Variants in MYO16 observed in about 807,000 individuals in gnomAD.
MYO16 encodes the protein unconventional myosin-XVI.
In MYO16, 94 loss-of-function variants were observed where a neutral mutation model predicts 205.3. The observed-to-expected ratio is 0.46, with a 90% CI of 0.39 to 0.54. The LOEUF is 0.54. Among genes scored for constraint, MYO16 ranks in the 20% least tolerant of loss-of-function variants. The pLI, the probability that MYO16 is intolerant of heterozygous loss-of-function variation, is 0.00. For missense variants in MYO16, 2,315 were observed against 2,387.5 expected (o/e 0.97, Z 0.63); for synonymous variants, 988 against 954.0 (o/e 1.04, Z -0.66).
intron 34 of MYO16, among the ~76,000 whole-genome samples, chr13:109,180,292 TTTATA>T (rs1172095140): frequency 5.3e-5 from 8 of 152,218 alleles, no homozygotes; most frequent in African/African-American, 1.9e-4. Context: ...AGTGAAAGAA[TTTATA>T]TTATAGAATG....
intron 1 of MYO16, among the ~76,000 whole-genome samples, chr13:108,633,111 C>T (rs1880063243): frequency 1.3e-5 from 2 of 152,048 alleles, no homozygotes; most frequent in African/African-American, 2.4e-5. Flanking sequence ...TGAATATTCT[C>T]CAGAGCTGAG....
At chr13:109,086,148 A>G (rs1206848457) in intron 27 of MYO16, among the ~76,000 whole-genome samples, 2 of 152,220 alleles carry the variant, frequency 1.3e-5, no homozygotes, top group East Asian at 1.9e-4. Flanking sequence ...TTGCATTGCT[A>G]GAAGTTTTCT....
intron 27 of MYO16, among the ~76,000 whole-genome samples, chr13:109,089,304 C>T (rs1356351248): frequency 6.6e-6 from 1 of 151,964 alleles, no homozygotes; most frequent in African/African-American, 2.4e-5. Context: ...GCCTCCACCT[C>T]CTGGGTTCCA....
intron 2 of MYO16, among the ~76,000 whole-genome samples, chr13:108,696,487 G>A (rs1233736065): frequency 1.3e-5 from 2 of 152,168 alleles, no homozygotes; most frequent in African/African-American, 4.8e-5. Flanking sequence ...ACACCCCAAA[G>A]AGGACATGCT....
chr13:108,826,086 A>G (rs995856007), intron 9 of MYO16, among the ~76,000 whole-genome samples: 2 of 152,094 alleles, frequency 1.3e-5, no homozygotes, highest in African/African-American at 4.8e-5. Flanking sequence ...ATTTAAAATC[A>G]CATAACAATT....
intron 22 of MYO16, among the ~76,000 whole-genome samples, chr13:109,017,295 C>T (rs1885862547): frequency 6.6e-6 from 1 of 152,132 alleles, no homozygotes; most frequent in South Asian, 2.1e-4. Context: ...TATTGACCCC[C>T]ACTCTCTTCT....
chr13:108,877,295 A>G (rs982049224), intron 12 of MYO16, among the ~76,000 whole-genome samples: 1 of 152,224 alleles, frequency 6.6e-6, no homozygotes, highest in African/African-American at 2.4e-5. Flanking sequence ...AGTTAAAACT[A>G]CAAGACTCAG....
chr13:109,206,782 G>T lies in MYO16; in HGVS notation c.5589G>T (p.Pro1863=). The change falls in exon 35 of 35, where the codon CCG becomes CCT. Residue 1863 remains proline, a synonymous_variant. Transcript: ENST00000457511. ...AGAAGCCCAGCCTTCTGAAGAAGCCGGAAGGGGCCTCCTGCAACAGGCTGC... is the reference window on the plus strand; with the variant it reads ...AGAAGCCCAGCCTTCTGAAGAAGCCTGAAGGGGCCTCCTGCAACAGGCTGC... The part of the protein sequence containing the change: ...PCKKPSLLKK[P]EGASCNRLPS... 6.2e-7 allele frequency: 1 copy of T among 1,614,176 alleles called. No homozygotes were observed. The highest frequency in any genetic ancestry group is 8.5e-7 in the Non-Finnish European group (1 of 1,180,020).
chr13:108,825,459 G>A (rs923011444), intron 9 of MYO16, among the ~76,000 whole-genome samples: 10 of 151,882 alleles, frequency 6.6e-5, no homozygotes, highest in Non-Finnish European at 1.0e-4. Flanking sequence ...CAGGGCTAAC[G>A]TCATACTCAA....
chr13:108,581,759 A>T, the MYO16 span, among the ~76,000 whole-genome samples: 1 of 151,788 alleles, frequency 6.6e-6, no homozygotes, highest in Non-Finnish European at 1.5e-5. Flanking sequence ...GGTGGTGGGC[A>T]CCTGTATTCC....
At position 108,651,489 on chromosome 13, in the gene MYO16, T is replaced by G. The variant is rs557568759; in HGVS notation, c.29-14397T>G. ...GGGAAATAGTAAGTGTCAGAAAGCA[T>G]AGATGGATGTGCAAAAAGTAAATAT... On this transcript the variant is annotated intron_variant, in intron 1 of 34. Transcript: ENST00000457511. Among the ~76,000 whole-genome samples, 43 of 152,336 alleles carry G rather than the reference T, an allele frequency of 2.8e-4. No individual in the cohort carries two copies. The South Asian group carries it at 8.7e-3, about 31-fold the overall frequency.
chr13:109,034,026 A>G (rs1886630443), intron 23 of MYO16, among the ~76,000 whole-genome samples: 1 of 152,156 alleles, frequency 6.6e-6, no homozygotes, highest in South Asian at 2.1e-4. Context: ...TTAGGGCAGA[A>G]AAGGGCACAG....
intron 2 of MYO16, among the ~76,000 whole-genome samples, chr13:108,671,030 A>C (rs1007571678): frequency 6.6e-6 from 1 of 152,228 alleles, no homozygotes; most frequent in East Asian, 1.9e-4. Context: ...CTAAGCAAGC[A>C]GTCAGATCTG....
chr13:108,657,289 G>T (rs1881287092), intron 1 of MYO16, among the ~76,000 whole-genome samples: 2 of 152,210 alleles, frequency 1.3e-5, no homozygotes, highest in Non-Finnish European at 2.9e-5. Context: ...CTGTTCCACT[G>T]GTCTAAGTGT....
At chr13:108,985,818 T>G (rs988604538) in intron 20 of MYO16, among the ~76,000 whole-genome samples, 1 of 152,248 alleles carries the variant, frequency 6.6e-6, no homozygotes, top group Admixed American at 6.5e-5. Context: ...TCTAATAATC[T>G]ATCACAGTGC....
At chr13:108,698,570 A>G (rs1381004558) in intron 2 of MYO16, among the ~76,000 whole-genome samples, 1 of 152,194 alleles carries the variant, frequency 6.6e-6, no homozygotes, top group Non-Finnish European at 1.5e-5. Context: ...TATCTAAGAT[A>G]AAAGGAAATG....
chr13:108,971,691 G>C (rs982288845), intron 20 of MYO16, among the ~76,000 whole-genome samples: 1 of 151,860 alleles, frequency 6.6e-6, no homozygotes, highest in African/African-American at 2.4e-5. Flanking sequence ...CATTCTTATA[G>C]TATTTTAGTT....
chr13:108,848,992 G>A (rs1292535089), intron 10 of MYO16, among the ~76,000 whole-genome samples: 2 of 88,740 alleles, frequency 2.3e-5, no homozygotes, highest in Non-Finnish European at 5.3e-5. Flanking sequence ...CCAGGGAAAG[G>A]GAAAGGGCCT....
chr13:108,674,423 G>A (rs181798688), intron 2 of MYO16, among the ~76,000 whole-genome samples: 5 of 152,276 alleles, frequency 3.3e-5, no homozygotes, highest in Admixed American at 2.0e-4. Context: ...CTAGCATTTA[G>A]TGAGTGCTGT....
Sources: gnomAD v4.1 joint callset for allele counts (sites outside exome capture counted in the v4.1 genomes callset) on GRCh38, gnomAD v4.1.1 for gene constraint, MANE v1.5 for transcripts, NCBI Gene and HGNC (gene_info 2026-07-23, HGNC 2026-07-21) for gene names.